The following WDR1 variants were observed in gnomAD, a reference collection of about 807,000 sequenced individuals.
The protein encoded by WDR1 is WD repeat domain 1.
In WDR1, 21 loss-of-function variants were observed where a neutral mutation model predicts 71.9. That is an observed-to-expected ratio of 0.29 (90% confidence interval 0.21 to 0.42). The LOEUF (loss-of-function observed/expected upper bound fraction) is 0.42, where lower values mean the gene tolerates loss of function less well. Among genes scored for constraint, WDR1 ranks in the 10% least tolerant of loss-of-function variants. WDR1 has a pLI of 1.00. For synonymous variants in WDR1, 424 were observed against 347.4 expected, an observed-to-expected ratio of 1.22 and a Z score of -2.45; for missense variants, 696 against 824.5, an observed-to-expected ratio of 0.84 and a Z score of 1.91.
rs749982323 is a variant in WDR1 at position 10,116,321 on chromosome 4, G to A, written c.17-87C>T. 4 of 1,579,244 alleles carry A rather than the reference G, an allele frequency of 2.5e-6. No homozygotes were observed. In the South Asian group the frequency reaches 3.4e-5, roughly 13 times the overall value. On this transcript the variant is annotated intron_variant, in intron 1 of 14. Transcript: ENST00000499869. ...GGAGAAGGAGCCCCGGACCGGTCTC[G>A]GCCGGTCACCTGTTGACTGCGCCGG...
Position 10,088,694 on chromosome 4 carries a change from GT to G in WDR1, c.605del (p.Asn202ThrfsTer64). Reference protein sequence around the residue: ...VNCVRFSPDGNRFATASADGQ... With the variant: ...VNCVRFSPDGXRFATASADGQ... ...CGTCAGCACTGGCTGTGGCAAATCT[GT>G]TCCCATCAGGAGAGAATCGCACACA... is the stretch of plus-strand genomic sequence containing the variant. On this transcript the variant is annotated frameshift_variant, in exon 6 of 15. Coordinates refer to ENST00000499869, the MANE Select transcript of WDR1 (RefSeq NM_017491.5). LOFTEE classifies it high-confidence loss of function. 1 of 1,607,966 alleles carries G rather than the reference GT, an allele frequency of 6.2e-7. No homozygotes were observed. The highest frequency in any genetic ancestry group is 8.5e-7 in the Non-Finnish European group (1 of 1,177,244).
rs199876381 is a variant in WDR1 at position 10,081,353 on chromosome 4, C to T, written c.1284+4G>A. 49 of 1,613,918 alleles carry T rather than the reference C, an allele frequency of 3.0e-5. No homozygotes were observed. Among genetic ancestry groups the T allele is most frequent in the African/African-American group, 2.7e-5 (2 of 75,036 alleles). ...CCCACCCAAACACTAAGCCAGGTCCCTACCTGTCCAATGCACACGACCACG... is the reference window on the plus strand; with the variant it reads ...CCCACCCAAACACTAAGCCAGGTCCTTACCTGTCCAATGCACACGACCACG... On this transcript the variant is annotated splice_donor_region_variant and intron_variant, in intron 11 of 14. Coordinates refer to ENST00000499869, the MANE Select transcript of WDR1 (RefSeq NM_017491.5).
intron 8 of WDR1, among the ~76,000 whole-genome samples, chr4:10,085,887 A>G (rs1208020105): frequency 6.6e-6 from 1 of 152,222 alleles, no homozygotes; most frequent in Non-Finnish European, 1.5e-5. Flanking sequence ...GAGTTGGGAC[A>G]TGGGGGTTTT....
intron 8 of WDR1, among the ~76,000 whole-genome samples, chr4:10,084,968 T>C (rs1344260396): frequency 6.6e-6 from 1 of 152,250 alleles, no homozygotes; most frequent in Non-Finnish European, 1.5e-5. Flanking sequence ...GTGAGGTTTC[T>C]TCTCTCTCCC....
intron 3 of WDR1, among the ~76,000 whole-genome samples, chr4:10,102,571 C>T (rs1242745541): frequency 2.0e-5 from 3 of 152,186 alleles, no homozygotes; most frequent in Non-Finnish European, 1.5e-5. Flanking sequence ...TGCAACGGCC[C>T]CTGCTGTCCA....
chr4:10,082,977 G>T lies in WDR1; in HGVS notation c.1196+45C>A, dbSNP rs368454869. 17 of 1,575,972 alleles carry T rather than the reference G, an allele frequency of 1.1e-5. No individual in the cohort carries two copies. The South Asian group carries it at 2.0e-4, about 18-fold the overall frequency. ...CTGGAGGGCACAAGCCCTCCGAGGGGAGCTGAGGCTCATCCGGAACCCCCG... is the reference window on the plus strand; with the variant it reads ...CTGGAGGGCACAAGCCCTCCGAGGGTAGCTGAGGCTCATCCGGAACCCCCG... On this transcript the variant is annotated intron_variant, in intron 10 of 14. Coordinates refer to ENST00000499869, the MANE Select transcript of WDR1 (RefSeq NM_017491.5).
intron 5 of WDR1, chr4:10,093,099 T>A (rs970662758): frequency 3.9e-6 from 5 of 1,289,300 alleles, no homozygotes; most frequent in Non-Finnish European, 5.1e-6. Context: ...CACACCCATG[T>A]CAACATCACA....
chr4:10,082,842 G>T (rs1342324712), intron 10 of WDR1, among the ~76,000 whole-genome samples, 180 bp downstream of exon 10: 1 of 152,208 alleles, frequency 6.6e-6, no homozygotes, highest in Non-Finnish European at 1.5e-5. Context: ...CAGACCACCT[G>T]GATCTGTAAC....
intron 11 of WDR1, 54 bp downstream of exon 11, chr4:10,081,303 A>G: frequency 1.3e-6 from 2 of 1,563,778 alleles, no homozygotes; most frequent in South Asian, 2.2e-5. Context: ...AAATTCAGCA[A>G]GCAGGCACCA....
chr4:10,077,632 T>C (rs1293055139), intron 13 of WDR1, 121 bp downstream of exon 13: 2 of 1,461,034 alleles, frequency 1.4e-6, no homozygotes, highest in Non-Finnish European at 1.8e-6. Context: ...CTGCTACTTG[T>C]AGAGGCAAGA....
intron 10 of WDR1, among the ~76,000 whole-genome samples, chr4:10,082,535 A>T (rs1003035409): frequency 1.2e-4 from 18 of 152,186 alleles, no homozygotes; most frequent in Non-Finnish European, 2.4e-4. Flanking sequence ...CTGACTGCCA[A>T]TCAAAGGCCC....
intron 9 of WDR1, among the ~76,000 whole-genome samples, 161 bp from the exon 10 acceptor site, chr4:10,083,339 G>A (rs1341276151): frequency 6.6e-6 from 1 of 152,196 alleles, no homozygotes; most frequent in East Asian, 1.9e-4. Context: ...CTGTTGACAC[G>A]TTCTTAGGAA....
chr4:10,095,485 C>G (rs1215657955), intron 5 of WDR1, among the ~76,000 whole-genome samples: 1 of 152,196 alleles, frequency 6.6e-6, no homozygotes, highest in Non-Finnish European at 1.5e-5. Context: ...CATGTTAGCA[C>G]TCACACCTCC....
intron 6 of WDR1, 121 bp downstream of exon 6, chr4:10,088,543 G>T: frequency 8.9e-7 from 1 of 1,122,178 alleles, no homozygotes; most frequent in Non-Finnish European, 1.3e-6. Context: ...CTGCAGATGT[G>T]GGGAGGGCGA....
At chr4:10,115,253 G>A (rs1013348956) in intron 2 of WDR1, among the ~76,000 whole-genome samples, 24 of 152,204 alleles carry the variant, frequency 1.6e-4, no homozygotes, top group African/African-American at 4.8e-4. Context: ...CAAAATTTAA[G>A]CGTGTAACCC....
At chr4:10,115,884 C>CA in intron 2 of WDR1, 1 of 564,968 alleles carries the variant, frequency 1.8e-6, no homozygotes, top group Non-Finnish European at 3.1e-6. Context: ...TGACCGTAGA[C>CA]AGAAACGAAC....
intron 5 of WDR1, among the ~76,000 whole-genome samples, chr4:10,095,353 A>G (rs572265130): frequency 8.7e-4 from 133 of 152,260 alleles, no homozygotes; most frequent in Non-Finnish European, 1.5e-3. Flanking sequence ...TAACAGGCTC[A>G]ATTAATTCCT....
intron 2 of WDR1, among the ~76,000 whole-genome samples, chr4:10,112,574 A>G (rs759759894): frequency 1.7e-4 from 26 of 152,224 alleles, no homozygotes; most frequent in Non-Finnish European, 3.2e-4. Flanking sequence ...CTGGGTTCAC[A>G]AAACAGCTTT....
intron 2 of WDR1, among the ~76,000 whole-genome samples, chr4:10,104,873 C>T (rs1164717282): frequency 6.6e-6 from 1 of 152,196 alleles, no homozygotes; most frequent in African/African-American, 2.4e-5. Flanking sequence ...TTAGGACACA[C>T]CAGACTCCTG....
Sources: allele counts gnomAD v4.1 joint callset (sites outside exome capture counted in the v4.1 genomes callset), GRCh38; gene constraint gnomAD v4.1.1; transcripts MANE v1.5; gene names NCBI Gene and HGNC (gene_info 2026-07-23, HGNC 2026-07-21).